Variants in PGAP1 observed in about 807,000 individuals in gnomAD.
The protein encoded by PGAP1 is post-GPI attachment to proteins inositol deacylase 1.
In PGAP1, 76 loss-of-function variants were observed where a neutral mutation model predicts 127.0. That is an observed-to-expected ratio of 0.60 (90% CI 0.50 to 0.72). The LOEUF (loss-of-function observed/expected upper bound fraction) is 0.72, where lower values mean the gene tolerates loss of function less well. Among genes scored for constraint, PGAP1 ranks in the 30% least tolerant of loss-of-function variants. The pLI is 0.00. For synonymous variants in PGAP1, 362 were observed against 366.5 expected, an observed-to-expected ratio of 0.99 and a Z score of 0.14; for missense variants, 982 against 1,071.3, an observed-to-expected ratio of 0.92 and a Z score of 1.16.
intron 10 of PGAP1, among the ~76,000 whole-genome samples, chr2:196,887,294 G>T (rs1215227869): frequency 6.6e-6 from 1 of 152,114 alleles, no homozygotes; most frequent in African/African-American, 2.4e-5. Context: ...TGAGGCAGGA[G>T]AATGGCATGA....
At chr2:196,862,052 T>G (rs1701085707) in intron 20 of PGAP1, among the ~76,000 whole-genome samples, 1 of 152,090 alleles carries the variant, frequency 6.6e-6, no homozygotes, top group African/African-American at 2.4e-5. Flanking sequence ...CAGCAATGTT[T>G]AGGGAACAAG....
At chr2:196,879,399 A>C (rs1384641365) in intron 13 of PGAP1, among the ~76,000 whole-genome samples, 3 of 152,156 alleles carry the variant, frequency 2.0e-5, no homozygotes, top group Non-Finnish European at 4.4e-5. Flanking sequence ...GCTTTTTAAG[A>C]ACAGGGTCTT....
intron 13 of PGAP1, among the ~76,000 whole-genome samples, chr2:196,877,346 T>C (rs1349402363): frequency 6.6e-6 from 1 of 152,110 alleles, no homozygotes; most frequent in Middle Eastern, 3.2e-3. Context: ...GAGCTATACA[T>C]AGACATGCAA....
intron 20 of PGAP1, among the ~76,000 whole-genome samples, chr2:196,856,537 A>G (rs541261246): frequency 2.0e-5 from 3 of 152,310 alleles, no homozygotes; most frequent in African/African-American, 7.2e-5. Context: ...AAAAATGAGA[A>G]GTGCTTTATT....
intron 4 of PGAP1, among the ~76,000 whole-genome samples, chr2:196,911,462 CG>C (rs1702807830): frequency 1.3e-5 from 1 of 78,136 alleles, no homozygotes; most frequent in Non-Finnish European, 2.5e-5. Context: ...GTGGTGGGGT[CG>C]GGGGAGGGGG....
intron 20 of PGAP1, among the ~76,000 whole-genome samples, chr2:196,850,721 G>A (rs896466604): frequency 6.6e-6 from 1 of 151,164 alleles, no homozygotes; most frequent in East Asian, 1.9e-4. Flanking sequence ...GGGAGGAAGG[G>A]AGGGAAAGAG....
In PGAP1 at chr2:196,875,820, A is replaced by T. The variant is rs780043187; in HGVS notation, c.1352T>A (p.Phe451Tyr). The T allele has an allele frequency of 5.0e-6, 7 of 1,396,126 alleles. No individual in the cohort carries two copies. Among genetic ancestry groups the T allele is most frequent in the African/African-American group, 1.4e-5 (1 of 69,910 alleles). 86.5% of individuals were successfully genotyped at this position (1,396,126 alleles called of 1,614,324 possible). A position where few individuals can be genotyped will look rare whatever the true frequency, so the allele number is the denominator to read the frequency against. The change falls in exon 14 of 27, where the codon TTT becomes TAT. Residue 451 changes from phenylalanine to tyrosine, a missense_variant and splice_region_variant. Coordinates refer to ENST00000354764, the MANE Select transcript of PGAP1 (RefSeq NM_024989.4). ...TTTAAAGAATTCACAATCTACAACA[A>T]ACTGAAATATAAAACATTGATTTAT... ...VYVPSVRGSK[F>Y]VVDCEFFKKE...
At chr2:196,918,748 G>A (rs542653232) in intron 2 of PGAP1, among the ~76,000 whole-genome samples, 2 of 152,256 alleles carry the variant, frequency 1.3e-5, no homozygotes, top group African/African-American at 4.8e-5. Context: ...GGCACAGAAG[G>A]GGTTTCCAGG....
chr2:196,922,102 C>A, intron 1 of PGAP1: 2 of 1,241,274 alleles, frequency 1.6e-6, no homozygotes, highest in Non-Finnish European at 2.1e-6. Flanking sequence ...AGATCAATTA[C>A]CTTTGTATTT....
Position 196,836,483 on chromosome 2 carries a change from A to C in PGAP1, c.*4751T>G, listed in dbSNP as rs1221028474. 1.3e-5 allele frequency: 2 copies of C among 152,146 alleles called. No individual in the cohort carries two copies. The highest frequency in any genetic ancestry group is 4.8e-5 in the African/African-American group (2 of 41,434). 9.4% of individuals were successfully genotyped at this position (152,146 alleles called of 1,614,324 possible). On this transcript the variant is annotated 3_prime_UTR_variant, in exon 27 of 27. Coordinates refer to ENST00000354764, the MANE Select transcript of PGAP1 (RefSeq NM_024989.4). ...TCTGTACTCAATACAATTTATCAAAAAATGTGACTTCTTGAGCATTTGCAG... is the reference window on the plus strand; with the variant it reads ...TCTGTACTCAATACAATTTATCAAACAATGTGACTTCTTGAGCATTTGCAG...
At chr2:196,848,528 C>A (rs1700624708) in intron 20 of PGAP1, among the ~76,000 whole-genome samples, 1 of 152,146 alleles carries the variant, frequency 6.6e-6, no homozygotes, top group African/African-American at 2.4e-5. Context: ...TAGGCCTATT[C>A]TGAACACTTC....
intron 20 of PGAP1, among the ~76,000 whole-genome samples, chr2:196,850,120 G>T (rs370748554): frequency 3.9e-5 from 6 of 152,296 alleles, no homozygotes; most frequent in East Asian, 1.9e-4. Context: ...CTGCACCCAA[G>T]GCTACAGCTC....
At chr2:196,880,843 GT>G (rs561518669) in intron 12 of PGAP1, among the ~76,000 whole-genome samples, 1 of 152,074 alleles carries the variant, frequency 6.6e-6, no homozygotes, top group East Asian at 1.9e-4. Flanking sequence ...CCAAATACAG[GT>G]TTTTTTGTTT....
rs1195715593 is a variant in PGAP1 at position 196,843,879 on chromosome 2, A to G, written c.2525+9T>C. On this transcript the variant is annotated intron_variant, in intron 25 of 26. Coordinates refer to ENST00000354764, the MANE Select transcript of PGAP1 (RefSeq NM_024989.4). ...CCACATAAACAATAATTATATCAAT[A>G]AAACGCACCTAAGATTCTTTAGCCA... 1 of 1,476,234 alleles carries G rather than the reference A, an allele frequency of 6.8e-7. No homozygotes were observed. The highest frequency in any genetic ancestry group is 1.4e-5 in the South Asian group (1 of 69,262). 91.4% of individuals were successfully genotyped at this position (1,476,234 alleles called of 1,614,324 possible).
chr2:196,851,144 C>A (rs1700705577), intron 20 of PGAP1, among the ~76,000 whole-genome samples: 1 of 138,062 alleles, frequency 7.2e-6, no homozygotes, highest in South Asian at 2.4e-4. Flanking sequence ...AATGGAGTCA[C>A]TGTTTTTTTG....
chr2:196,907,199 G>A (rs1702749318), intron 4 of PGAP1, among the ~76,000 whole-genome samples: 1 of 15,288 alleles, frequency 6.5e-5, no homozygotes, highest in Non-Finnish European at 1.3e-4. Flanking sequence ...GGCAGCCAGA[G>A]AGAAAGGTCG....
intron 7 of PGAP1, 26 bp downstream of exon 7, chr2:196,897,105 A>G (rs775959973): frequency 2.3e-6 from 3 of 1,317,928 alleles, no homozygotes; most frequent in Non-Finnish European, 2.1e-6. Flanking sequence ...TTTCATTTAA[A>G]TAATTTTTAG....
chr2:196,841,454 GGAAAGATAAATATTCTAA>G, intron 26 of PGAP1, 82 bp from the exon 27 acceptor site: 1 of 1,021,942 alleles, frequency 9.8e-7, no homozygotes, highest in South Asian at 1.8e-5. Context: ...ATACAGTTTT[GGAAAGATAAATATTCTAA>G]GTGAATTTAA....
chr2:196,912,565 G>C (rs1328633003), intron 4 of PGAP1, among the ~76,000 whole-genome samples: 1 of 119,580 alleles, frequency 8.4e-6, no homozygotes, highest in Non-Finnish European at 1.6e-5. Flanking sequence ...GGGAGAAAGA[G>C]CAAGACCCTG....
Sources: gnomAD v4.1 joint callset for allele counts (sites outside exome capture counted in the v4.1 genomes callset) on GRCh38, gnomAD v4.1.1 for gene constraint, MANE v1.5 for transcripts, NCBI Gene and HGNC (gene_info 2026-07-23, HGNC 2026-07-21) for gene names.